Variants in PPP2R5C observed in about 807,000 individuals in gnomAD.
PPP2R5C encodes the protein serine/threonine-protein phosphatase 2A 56 kDa regulatory subunit gamma isoform.
PPP2R5C carries 7 observed loss-of-function variants against 68.9 expected under a neutral mutation model. The observed-to-expected ratio is 0.10, with a 90% confidence interval of 0.06 to 0.19. The LOEUF (loss-of-function observed/expected upper bound fraction) is 0.19, where lower values mean the gene tolerates loss of function less well. PPP2R5C is among the 10% of genes least tolerant of loss of function. The probability of loss-of-function intolerance (pLI) is 1.00; values close to 1 mark genes in which losing one functional copy is unlikely to be tolerated. For missense variants in PPP2R5C, 348 were observed against 641.3 expected (o/e 0.54, Z 4.94); for synonymous variants, 210 against 222.2 (o/e 0.95, Z 0.49).
intron 13 of PPP2R5C, among the ~76,000 whole-genome samples, chr14:101,919,184 G>C (rs570207924): frequency 6.6e-6 from 1 of 152,338 alleles, no homozygotes; most frequent in East Asian, 1.9e-4. Context: ...AGTCCCCACG[G>C]CAGCCACGGT....
intron 1 of PPP2R5C, among the ~76,000 whole-genome samples, chr14:101,849,549 G>A (rs989425496): frequency 7.2e-6 from 1 of 139,406 alleles, no homozygotes; most frequent in African/African-American, 2.7e-5. Flanking sequence ...TGAGTTATTG[G>A]ACATGTTTAT....
chr14:101,780,967 A>G (rs1388245476), intron 2 of PPP2R5C, among the ~76,000 whole-genome samples: 1 of 152,160 alleles, frequency 6.6e-6, no homozygotes, highest in Non-Finnish European at 1.5e-5. Flanking sequence ...CGCTCACCCC[A>G]CAGCCTGAGC....
intron 5 of PPP2R5C, among the ~76,000 whole-genome samples, chr14:101,885,691 A>G (rs1302615945): frequency 6.6e-6 from 1 of 152,244 alleles, no homozygotes. Context: ...GGTGCTGGAC[A>G]TAGCCCAGAC....
chr14:101,831,581 A>G, intron 1 of PPP2R5C: 1 of 515,664 alleles, frequency 1.9e-6, no homozygotes, highest in Non-Finnish European at 3.6e-6. Flanking sequence ...AAGATGGGAC[A>G]CAACTCCTTA....
intron 11 of PPP2R5C, among the ~76,000 whole-genome samples, chr14:101,910,570 C>T (rs1041200914): frequency 4.6e-5 from 7 of 152,046 alleles, no homozygotes; most frequent in Non-Finnish European, 7.4e-5. Context: ...CGGTGGCTCA[C>T]GCCTGTAATC....
intron 1 of PPP2R5C, among the ~76,000 whole-genome samples, chr14:101,811,251 G>T (rs889691993): frequency 1.3e-4 from 20 of 152,224 alleles, no homozygotes; most frequent in African/African-American, 4.8e-4. Context: ...AAAAAGCAAA[G>T]GTTGCCTACA....
intron 12 of PPP2R5C, 110 bp downstream of exon 14, chr14:101,912,583 A>G (rs1010883366): frequency 2.9e-6 from 4 of 1,385,060 alleles, no homozygotes; most frequent in Non-Finnish European, 3.8e-6. Context: ...CTAACGTTGT[A>G]TATGAAAATG....
chr14:101,763,940 T>G (rs1433001556), intron 2 of PPP2R5C, among the ~76,000 whole-genome samples: 1 of 152,232 alleles, frequency 6.6e-6, no homozygotes, highest in Non-Finnish European at 1.5e-5. Flanking sequence ...CTTGGCCTCT[T>G]TCTCCAATAA....
rs1447757258 is a variant in PPP2R5C, at chr14:101,877,887, C to T, written c.295-4274C>T. Among the ~76,000 whole-genome samples, 1 of 152,222 alleles carries T rather than the reference C, an allele frequency of 6.6e-6. No homozygotes were observed. The highest frequency in any genetic ancestry group is 1.5e-5 in the Non-Finnish European group (1 of 68,046). On this transcript the variant is annotated intron_variant, in intron 2 of 13. Coordinates refer to ENST00000334743, the Ensembl canonical transcript of PPP2R5C. This position sits in a 1 kb window ranked among gnomAD's most constrained non-coding sequence, Gnocchi z 4.2. ...TCAGAATTGGCCTGGAATGAACCTT[C>T]CCGGACCTAGGTCGGTCATCAGTCA...
chr14:101,867,420 T>A (rs576645300), intron 2 of PPP2R5C, among the ~76,000 whole-genome samples: 69 of 151,214 alleles, frequency 4.6e-4, no homozygotes, highest in African/African-American at 1.7e-3. Context: ...AAAAAAAAAA[T>A]TAATAATTAT....
chr14:101,831,664 G>GTCCACC (rs779258812), intron 1 of PPP2R5C: 1 of 680,506 alleles, frequency 1.5e-6, no homozygotes, highest in Non-Finnish European at 2.7e-6. Flanking sequence ...AACTGCACAG[G>GTCCACC]TCCACTTATA....
chr14:101,798,947 A>G (rs974312224), intron 3 of PPP2R5C, among the ~76,000 whole-genome samples: 7 of 152,188 alleles, frequency 4.6e-5, no homozygotes, highest in Non-Finnish European at 7.3e-5. Flanking sequence ...TGTTCTTGAG[A>G]TGATTTGACA....
chr14:101,892,557 A>G (rs1034318728), intron 6 of PPP2R5C, among the ~76,000 whole-genome samples: 1 of 152,154 alleles, frequency 6.6e-6, no homozygotes, highest in Non-Finnish European at 1.5e-5. Context: ...AAATAACTAT[A>G]CTTCCTGGTA....
chr14:101,780,400 A>G, intron 2 of PPP2R5C, among the ~76,000 whole-genome samples: 1 of 152,254 alleles, frequency 6.6e-6, no homozygotes, highest in East Asian at 1.9e-4. Flanking sequence ...TTTGAGAGAT[A>G]TGATAGTCAA....
At chr14:101,794,571 G>A (rs1341682646) in intron 3 of PPP2R5C, among the ~76,000 whole-genome samples, 2 of 152,038 alleles carry the variant, frequency 1.3e-5, no homozygotes, top group African/African-American at 2.4e-5. Context: ...GTTACATTTT[G>A]CAAATATCTG....
intron 3 of PPP2R5C, among the ~76,000 whole-genome samples, chr14:101,799,340 C>T (rs936659168): frequency 6.6e-6 from 1 of 152,168 alleles, no homozygotes. Flanking sequence ...CTGCCTCAGT[C>T]CCTCCCAAGC....
upstream of PPP2R5C, among the ~76,000 whole-genome samples, chr14:101,808,787 A>G (rs1381281201): frequency 6.6e-6 from 1 of 152,224 alleles, no homozygotes; most frequent in Non-Finnish European, 1.5e-5. Context: ...GTGTGAAGAA[A>G]GGAGGAATTT....
At chr14:101,789,504 T>C (rs1429660664) in intron 3 of PPP2R5C, among the ~76,000 whole-genome samples, 1 of 152,238 alleles carries the variant, frequency 6.6e-6, no homozygotes, top group Non-Finnish European at 1.5e-5. Flanking sequence ...TTATAATTGC[T>C]GTGTTGACAG....
At chr14:101,905,704 T>C (rs1171281819) in intron 9 of PPP2R5C, among the ~76,000 whole-genome samples, 1 of 150,252 alleles carries the variant, frequency 6.7e-6, no homozygotes, top group East Asian at 1.9e-4. Context: ...CTCTAGTGGC[T>C]TCCCGTGAGT....
Sources: gnomAD v4.1 joint callset for allele counts (sites outside exome capture counted in the v4.1 genomes callset) on GRCh38, gnomAD v4.1.1 for gene constraint, Gnocchi (gnomAD v3.1) non-coding constraint, MANE v1.5 for transcripts, NCBI Gene and HGNC (gene_info 2026-07-23, HGNC 2026-07-21) for gene names.